COPA: variants seen among roughly 807,000 people sequenced by gnomAD.
The protein encoded by COPA is coatomer subunit alpha.
A neutral mutation model predicts 158.7 loss-of-function variants in COPA; 10 were observed. That is an observed-to-expected ratio of 0.06 (90% CI 0.04 to 0.11). COPA has a LOEUF of 0.11. Ranked by LOEUF, COPA falls within the 10% of genes least tolerant of loss-of-function variation. COPA has a pLI of 1.00. For synonymous variants in COPA, 462 were observed against 542.8 expected (o/e 0.85, Z 2.07); for missense variants, 1,065 against 1,536.7 (o/e 0.69, Z 5.13).
At chr1:160,307,635 C>T (rs888302773) in intron 13 of COPA, among the ~76,000 whole-genome samples, 1 of 152,042 alleles carries the variant, frequency 6.6e-6, no homozygotes, top group Non-Finnish European at 1.5e-5. Flanking sequence ...CTGCTCTCTG[C>T]TGCTTTTAAC....
intron 8 of COPA, among the ~76,000 whole-genome samples, chr1:160,322,734 G>A (rs1444654814): frequency 6.6e-6 from 1 of 152,208 alleles, no homozygotes; most frequent in African/African-American, 2.4e-5. Flanking sequence ...CTCCTGCACT[G>A]TTGGTGGGAA....
intron 7 of COPA, among the ~76,000 whole-genome samples, 188 bp from the exon 8 acceptor site, chr1:160,323,718 T>C (rs963813880): frequency 6.6e-6 from 1 of 152,184 alleles, no homozygotes; most frequent in Non-Finnish European, 1.5e-5. Flanking sequence ...TTACCCCAAA[T>C]TCTCATGTGA....
In COPA at chr1:160,291,499, G is replaced by A. The variant is rs1305634317; in HGVS notation, c.3259-3C>T. ...GAGTGGGTGAAATAGGCTGCCATCT[G>A]GTGGACAGAAAAAGGAACACATGCC... is the stretch of plus-strand genomic sequence containing the variant. On this transcript the variant is annotated splice_region_variant and splice_polypyrimidine_tract_variant and intron_variant, in intron 30 of 32. Coordinates refer to ENST00000241704, the MANE Select transcript of COPA (RefSeq NM_004371.4). 2 of 1,612,034 alleles carry A rather than the reference G, an allele frequency of 1.2e-6. No individual in the cohort carries two copies. The highest frequency in any genetic ancestry group is 1.7e-6 in the Non-Finnish European group (2 of 1,178,458).
chr1:160,294,423 G>C, intron 25 of COPA, 61 bp downstream of exon 25: 1 of 1,411,282 alleles, frequency 7.1e-7, no homozygotes, highest in Non-Finnish European at 1.0e-6. Flanking sequence ...GGGACAATAA[G>C]GCCTCTGGCT....
At chr1:160,299,648 G>A (rs1442390362) in intron 17 of COPA, among the ~76,000 whole-genome samples, 1 of 152,006 alleles carries the variant, frequency 6.6e-6, no homozygotes, top group Non-Finnish European at 1.5e-5. Context: ...AAAAAACAAA[G>A]TATTTTGAAC....
chr1:160,321,178 T>A (rs1383086596), intron 8 of COPA, among the ~76,000 whole-genome samples: 2 of 152,056 alleles, frequency 1.3e-5, no homozygotes, highest in African/African-American at 4.8e-5. Flanking sequence ...TCAACATGGG[T>A]AGAGAAAGAG....
chr1:160,298,960 A>G lies in COPA; in HGVS notation c.1862T>C (p.Val621Ala). The change falls in exon 19 of 33, where the codon GTT becomes GCT. Residue 621 changes from valine to alanine, a missense_variant. Val to Ala is a moderately conservative substitution (Grantham distance 64). Coordinates refer to ENST00000241704, the MANE Select transcript of COPA (RefSeq NM_004371.4). ...VLHMVRNAKL[V>A]GQSIIAYLQK... ...GAGATAAGCAATAATAGACTGGCCA[A>G]CTAGTTTGGCATTCCTCACCATGTG... The G allele has an allele frequency of 6.2e-7, 1 of 1,614,162 alleles. No homozygotes were observed. The highest frequency in any genetic ancestry group is 8.5e-7 in the Non-Finnish European group (1 of 1,180,028).
At chr1:160,325,510 C>T in intron 7 of COPA, 33 bp downstream of exon 7, 1 of 1,534,640 alleles carries the variant, frequency 6.5e-7, no homozygotes. Flanking sequence ...AGATGACAGC[C>T]CATATTCAGC....
intron 3 of COPA, among the ~76,000 whole-genome samples, chr1:160,337,007 C>T (rs1055884402): frequency 6.6e-5 from 10 of 152,098 alleles, no homozygotes; most frequent in African/African-American, 1.4e-4. Flanking sequence ...TAAGGTATTC[C>T]AATACCTTTG....
chr1:160,340,138 T>A, intron 2 of COPA, 43 bp downstream of exon 2: 1 of 1,515,082 alleles, frequency 6.6e-7, no homozygotes, highest in Non-Finnish European at 9.2e-7. Flanking sequence ...CAGGATATTA[T>A]AAATACTTAT....
At chr1:160,318,819 T>C (rs1659243282) in intron 8 of COPA, among the ~76,000 whole-genome samples, 1 of 152,016 alleles carries the variant, frequency 6.6e-6, no homozygotes, top group Admixed American at 6.6e-5. Flanking sequence ...CCTTATTCTA[T>C]CTATAAGATT....
Position 160,340,331 on chromosome 1 carries a change from A to C in COPA, c.41-37T>G, listed in dbSNP as rs760722285. The C allele has an allele frequency of 9.7e-6, 13 of 1,342,450 alleles. No homozygotes were observed. In the Middle Eastern group the frequency reaches 1.8e-3, roughly 186 times the overall value. 83.2% of individuals were successfully genotyped at this position (1,342,450 alleles called of 1,614,324 possible). Reference sequence around the variant, plus strand: ...AGAAAATGATACAATGAGCTAACTAAGCCCCATGATGTCACCTTCTGTCAA... The same window carrying C: ...AGAAAATGATACAATGAGCTAACTACGCCCCATGATGTCACCTTCTGTCAA... On this transcript the variant is annotated intron_variant, in intron 1 of 32. Transcript: ENST00000241704.
intron 6 of COPA, among the ~76,000 whole-genome samples, chr1:160,328,935 A>G (rs1388215259): frequency 6.6e-6 from 1 of 151,850 alleles, no homozygotes. Flanking sequence ...GTCCCTTTCA[A>G]AAAAAAATAG....
chr1:160,313,259 G>A, intron 9 of COPA, 92 bp from the exon 10 acceptor site: 1 of 1,135,512 alleles, frequency 8.8e-7, no homozygotes, highest in Middle Eastern at 2.0e-4. Context: ...CCAGCAAGCT[G>A]ATTAAAATGT....
intron 4 of COPA, among the ~76,000 whole-genome samples, chr1:160,333,963 ATATGTG>A (rs891561924): frequency 8.0e-5 from 7 of 87,498 alleles, no homozygotes; most frequent in African/African-American, 3.0e-4. Context: ...ATTTACTTCT[ATATGTG>A]TGTGTGTGTG....
At chr1:160,304,387 T>A (rs1658712809) in intron 17 of COPA, among the ~76,000 whole-genome samples, 1 of 147,814 alleles carries the variant, frequency 6.8e-6, no homozygotes, top group Non-Finnish European at 1.5e-5. Context: ...GTTTCACAGC[T>A]GGGCGCGGTG....
At chr1:160,318,071 C>A (rs1336274381) in intron 8 of COPA, among the ~76,000 whole-genome samples, 4 of 152,084 alleles carry the variant, frequency 2.6e-5, no homozygotes, top group African/African-American at 9.7e-5. Flanking sequence ...TTACTTCACT[C>A]CTGGACTGTG....
chr1:160,333,802 G>T, intron 4 of COPA, 123 bp from the exon 5 acceptor site: 1 of 628,940 alleles, frequency 1.6e-6, no homozygotes, highest in Non-Finnish European at 2.7e-6. Flanking sequence ...CAAAGGGGCT[G>T]CTGCTTTTGC....
intron 17 of COPA, among the ~76,000 whole-genome samples, chr1:160,299,969 T>C (rs1658544210): frequency 6.6e-6 from 1 of 152,082 alleles, no homozygotes; most frequent in South Asian, 2.1e-4. Context: ...TGAGGGTAAT[T>C]CAGAGAAAAG....
Sources: allele counts gnomAD v4.1 joint callset (sites outside exome capture counted in the v4.1 genomes callset), GRCh38; gene constraint gnomAD v4.1.1; transcripts MANE v1.5; gene names NCBI Gene and HGNC (gene_info 2026-07-23, HGNC 2026-07-21).